The following PCDHA7 variants were observed in gnomAD, a reference collection of about 807,000 sequenced individuals.
The protein encoded by PCDHA7 is protocadherin alpha 7, also known as protocadherin alpha-7.
PCDHA7 carries 37 observed loss-of-function variants against 57.2 expected under a neutral mutation model. That is an observed-to-expected ratio of 0.65 (90% CI 0.50 to 0.85). The LOEUF (loss-of-function observed/expected upper bound fraction) is 0.85. PCDHA7 is among the 40% of genes least tolerant of loss of function. The pLI is 0.00. For synonymous variants in PCDHA7, 553 were observed against 558.8 expected, an observed-to-expected ratio of 0.99 and a Z score of 0.15; for missense variants, 1,188 against 1,241.8, an observed-to-expected ratio of 0.96 and a Z score of 0.65.
intron 1 of PCDHA7, among the ~76,000 whole-genome samples, chr5:140,959,833 T>C (rs539062460): frequency 1.3e-5 from 2 of 152,366 alleles, no homozygotes; most frequent in East Asian, 3.9e-4. Context: ...TAATGTATTA[T>C]GCCTGTAACT....
At chr5:140,895,137 G>A (rs1184479322) in intron 1 of PCDHA7, among the ~76,000 whole-genome samples, 2 of 152,072 alleles carry the variant, frequency 1.3e-5, no homozygotes, top group Non-Finnish European at 2.9e-5. Context: ...CAAGTTCATA[G>A]GGCTAAGACA....
intron 1 of PCDHA7, among the ~76,000 whole-genome samples, chr5:140,855,580 ATAT>A (rs1320529577): frequency 6.7e-6 from 1 of 149,924 alleles, no homozygotes; most frequent in Non-Finnish European, 1.5e-5. Flanking sequence ...ATTTAATAAA[ATAT>A]TAGTATACTC....
intron 1 of PCDHA7, among the ~76,000 whole-genome samples, chr5:140,963,667 T>G (rs1206076549): frequency 3.9e-5 from 6 of 152,238 alleles, no homozygotes; most frequent in African/African-American, 1.4e-4. Context: ...CTATATGGCA[T>G]AGTTAAATGT....
intron 1 of PCDHA7, among the ~76,000 whole-genome samples, chr5:140,898,433 T>G (rs1253149141): frequency 6.6e-5 from 10 of 152,184 alleles, no homozygotes; most frequent in Non-Finnish European, 7.4e-5. Flanking sequence ...CCAGCACCAT[T>G]TATTAAATAG....
chr5:141,006,441 C>T (rs2098274470), intron 3 of PCDHA7, among the ~76,000 whole-genome samples: 1 of 152,110 alleles, frequency 6.6e-6, no homozygotes, highest in Non-Finnish European at 1.5e-5. Flanking sequence ...TCTCAATCTC[C>T]TGACCTCGAG....
intron 1 of PCDHA7, chr5:140,856,200 T>C (rs1463727286): frequency 6.3e-7 from 1 of 1,597,908 alleles, no homozygotes; most frequent in Non-Finnish European, 8.6e-7. Flanking sequence ...GCGCAGGACC[T>C]GGGGCTGGAG....
Position 140,845,288 on chromosome 5 carries a change from C to T in PCDHA7, c.2355+8550C>T, listed in dbSNP as rs1304336704. ...CTTTGTGAAAGTAATATTTCCTATC[C>T]TGTCTATGTCTACCTGGTTCTCAGG... On this transcript the variant is annotated intron_variant, in intron 1 of 3. Coordinates refer to ENST00000525929, the MANE Select transcript of PCDHA7 (RefSeq NM_018910.3). Among the ~76,000 whole-genome samples the T allele has an allele frequency of 3.4e-5, 5 of 149,098 alleles. 1 individual carries two copies. Among genetic ancestry groups the T allele is most frequent in the African/African-American group, 9.8e-5 (4 of 40,716 alleles).
intron 3 of PCDHA7, among the ~76,000 whole-genome samples, chr5:141,003,801 A>T (rs1554259323): frequency 1.3e-5 from 2 of 152,172 alleles, no homozygotes; most frequent in African/African-American, 4.8e-5. Context: ...ATTGGGTTGT[A>T]ATCTGTAGTC....
intron 1 of PCDHA7, among the ~76,000 whole-genome samples, chr5:140,872,601 AAAT>A (rs1346815805): frequency 2.6e-5 from 4 of 152,140 alleles, no homozygotes; most frequent in African/African-American, 7.2e-5. Flanking sequence ...CCATCTGAAA[AAAT>A]AATTTTTTTT....
At chr5:140,871,486 C>T in intron 1 of PCDHA7, 1 of 1,592,450 alleles carries the variant, frequency 6.3e-7, no homozygotes, top group African/African-American at 1.3e-5. Context: ...GTCAAATCAC[C>T]CCGGACAGGT....
intron 1 of PCDHA7, among the ~76,000 whole-genome samples, chr5:140,846,137 A>G (rs1253647422): frequency 1.3e-5 from 2 of 149,716 alleles, no homozygotes; most frequent in Non-Finnish European, 3.0e-5. Flanking sequence ...TATGTTTCCC[A>G]TATTTAAAAG....
intron 1 of PCDHA7, among the ~76,000 whole-genome samples, chr5:140,903,821 A>G (rs2153482193): frequency 6.6e-6 from 1 of 152,320 alleles, no homozygotes. Context: ...TCTCACATGA[A>G]TGTCTGTTGG....
intron 3 of PCDHA7, among the ~76,000 whole-genome samples, chr5:140,994,795 G>A (rs2097650396): frequency 6.6e-6 from 1 of 152,184 alleles, no homozygotes; most frequent in Admixed American, 6.6e-5. Flanking sequence ...ATGCGTGCAT[G>A]CAAAAACAAA....
intron 1 of PCDHA7, chr5:140,843,553 G>C (rs1275122592): frequency 1.3e-6 from 2 of 1,595,812 alleles, no homozygotes; most frequent in Non-Finnish European, 1.7e-6. Flanking sequence ...GCTCCAGTGC[G>C]GTGGGGAGCT....
intron 1 of PCDHA7, chr5:140,870,006 G>A (rs1554163702): frequency 1.2e-6 from 2 of 1,613,604 alleles, no homozygotes; most frequent in Non-Finnish European, 1.7e-6. Flanking sequence ...ATGGAGAAGT[G>A]AGGGTCAATG....
intron 2 of PCDHA7, 37 bp from the exon 3 acceptor site, chr5:140,982,438 T>G: frequency 3.8e-5 from 61 of 1,608,838 alleles, no homozygotes; most frequent in Non-Finnish European, 4.8e-5. Context: ...AAAGAATTTA[T>G]GATCTAACCG....
At chr5:140,857,475 T>C in intron 1 of PCDHA7, 2 of 1,598,608 alleles carry the variant, frequency 1.3e-6, no homozygotes, top group Non-Finnish European at 1.7e-6. Flanking sequence ...ATCTTCACGG[T>C]GTCTGCGTGG....
At chr5:140,907,092 G>C (rs1381969899) in intron 1 of PCDHA7, among the ~76,000 whole-genome samples, 4 of 152,262 alleles carry the variant, frequency 2.6e-5, no homozygotes, top group African/African-American at 9.6e-5. Context: ...GGTAAGTGGT[G>C]CCACTTCCAC....
rs182652510 is a variant in PCDHA7 at position 140,835,708 on chromosome 5, C to T, written c.1325C>T (p.Ser442Phe). ...TCTCTGTGGGCCACTGCTAGCGTGT[C>T]CGTGGAGGTGGCCGACGTGAACGAC... ...SPSLWATASV[S>F]VEVADVNDNA... The change falls in exon 1 of 4, where the codon TCC becomes TTC. Residue 442 changes from serine (S) to phenylalanine (F), a missense_variant. This residue lies in a region of PCDHA7 where 892 missense variants were observed against 788.5 expected (regional missense o/e 1.13). Coordinates refer to ENST00000525929, the MANE Select transcript of PCDHA7 (RefSeq NM_018910.3). The T allele has an allele frequency of 1.8e-5, 29 of 1,613,660 alleles. No homozygotes were observed. The highest frequency in any genetic ancestry group is 1.7e-4 in the Middle Eastern group (1 of 6,036).
Sources: gnomAD v4.1 joint callset for allele counts (sites outside exome capture counted in the v4.1 genomes callset) on GRCh38, gnomAD v4.1.1 for gene constraint, gnomAD v4.1.1 regional missense constraint, MANE v1.5 for transcripts, NCBI Gene and HGNC (gene_info 2026-07-23, HGNC 2026-07-21) for gene names.